Variants in TPRG1 observed in about 807,000 individuals in gnomAD.
The protein encoded by TPRG1 is tumor protein p63 regulated 1, also known as tumor protein p63-regulated gene 1 protein.
A neutral mutation model predicts 29.3 loss-of-function variants in TPRG1; 29 were observed. That is an observed-to-expected ratio of 0.99 (90% confidence interval 0.74 to 1.35). The LOEUF (loss-of-function observed/expected upper bound fraction) is 1.35. Ranked by LOEUF, TPRG1 falls within the 40% of genes most tolerant of loss-of-function variation. The probability of loss-of-function intolerance (pLI) is 0.00; values close to 1 mark genes in which losing one functional copy is unlikely to be tolerated. For missense variants in TPRG1, 327 were observed against 335.0 expected, an observed-to-expected ratio of 0.98 and a Z score of 0.19; for synonymous variants, 130 against 116.8, an observed-to-expected ratio of 1.11 and a Z score of -0.73.
At chr3:189,032,986 T>C (rs982090793) in intron 4 of TPRG1, among the ~76,000 whole-genome samples, 1 of 152,106 alleles carries the variant, frequency 6.6e-6, no homozygotes, top group African/African-American at 2.4e-5. Flanking sequence ...TTTTCTTATC[T>C]GTAGTCCAAA....
rs553933469 is a variant in TPRG1 at position 189,160,123 on chromosome 3, G to T, written c.-10+9251G>T. Among the ~76,000 whole-genome samples, 3 of 152,284 alleles carry T rather than the reference G, an allele frequency of 2.0e-5. No individual in the cohort carries two copies. In the East Asian group the frequency reaches 5.8e-4, roughly 29 times the overall value. ...TTAGCCTGAGCTGAGATGGGCTGCA[G>T]CCCTCCCGGAAGCTTAAGTATGTCA... is the stretch of plus-strand genomic sequence containing the variant. On this transcript the variant is annotated intron_variant, in intron 5 of 6. Transcript: ENST00000412373.
At chr3:189,304,023 C>CT (rs1273929459) in intron 4 of TPRG1, among the ~76,000 whole-genome samples, 3 of 151,692 alleles carry the variant, frequency 2.0e-5, no homozygotes, top group African/African-American at 4.8e-5. Context: ...GTTAAGATCA[C>CT]TTTTTTTCAC....
At position 189,092,143 on chromosome 3, in the gene TPRG1, T is replaced by G. The variant is rs549535483; in HGVS notation, c.-462-34914T>G. Among the ~76,000 whole-genome samples the G allele has an allele frequency of 2.1e-4, 32 of 152,316 alleles. No individual in the cohort carries two copies. In the South Asian group the frequency reaches 6.2e-3, roughly 30 times the overall value. On this transcript the variant is annotated intron_variant, in intron 4 of 10. Transcript: ENST00000433971. Reference sequence around the variant, plus strand: ...AGTTCAGAGATATCTATTTCTACTTTGCAGTTTATCAGTGATTTTTTCAAT... The same window carrying G: ...AGTTCAGAGATATCTATTTCTACTTGGCAGTTTATCAGTGATTTTTTCAAT...
chr3:189,221,118 C>T (rs191980602), intron 3 of TPRG1, among the ~76,000 whole-genome samples: 2 of 152,230 alleles, frequency 1.3e-5, no homozygotes, highest in Non-Finnish European at 2.9e-5. Context: ...CAGAGTAAGA[C>T]TTTATGATTG....
rs549506582 is a variant in TPRG1, at chr3:189,228,393, A to T, written c.303-10340A>T. ...TTAATAGCAAATATAACACAGTATT[A>T]AAAAAAATTGGTGTAAAAAGAATTA... On this transcript the variant is annotated intron_variant, in intron 3 of 5. Transcript: ENST00000345063. Among the ~76,000 whole-genome samples the T allele has an allele frequency of 4.0e-4, 60 of 151,310 alleles. No individual in the cohort carries two copies. In the South Asian group the frequency reaches 0.012, roughly 30 times the overall value.
chr3:189,053,086 A>G (rs749862499), intron 4 of TPRG1, among the ~76,000 whole-genome samples: 20 of 152,206 alleles, frequency 1.3e-4, no homozygotes, highest in Non-Finnish European at 2.2e-4. Context: ...TTACAGAAAA[A>G]AAAGAAAATC....
intron 1 of TPRG1, among the ~76,000 whole-genome samples, chr3:189,202,625 T>C (rs924742583): frequency 2.4e-4 from 36 of 152,240 alleles, no homozygotes; most frequent in African/African-American, 8.2e-4. Flanking sequence ...CTAAAAGCTG[T>C]TTTTTTCCTT....
At chr3:189,183,030 C>T (rs1205059236) in intron 1 of TPRG1, among the ~76,000 whole-genome samples, 1 of 152,180 alleles carries the variant, frequency 6.6e-6, no homozygotes, top group Admixed American at 6.6e-5. Context: ...ACTACTACTA[C>T]TAGTGGAAAA....
intron 3 of TPRG1, among the ~76,000 whole-genome samples, chr3:189,137,080 T>C (rs180789558): frequency 8.0e-4 from 122 of 152,318 alleles, no homozygotes; most frequent in Admixed American, 5.4e-3. Flanking sequence ...CCCAGCAAGG[T>C]GGTAGAGCTA....
rs545942141 is a variant in TPRG1, at chr3:189,177,281, A to G, written c.-10+5150A>G. 6.6e-4 allele frequency among the ~76,000 whole-genome samples: 101 copies of G among 152,236 alleles called. 1 individual carries two copies. Among genetic ancestry groups the G allele is most frequent in the African/African-American group, 2.4e-3 (100 of 41,542 alleles). On this transcript the variant is annotated intron_variant, in intron 1 of 5. Coordinates refer to ENST00000345063, the MANE Select transcript of TPRG1 (RefSeq NM_198485.4). Reference sequence around the variant, plus strand: ...GATGAATAAGTTTTGAAGGAGTATTAGGAGCTTACTTATGGACAGGTTAAG... The same window carrying G: ...GATGAATAAGTTTTGAAGGAGTATTGGGAGCTTACTTATGGACAGGTTAAG...
intron 5 of TPRG1, among the ~76,000 whole-genome samples, chr3:189,163,228 G>A (rs990688855): frequency 6.6e-6 from 1 of 152,112 alleles, no homozygotes; most frequent in East Asian, 1.9e-4. Flanking sequence ...AGCCAAGATG[G>A]CACCATTGCA....
At chr3:189,312,897 A>G (rs1722933606) in intron 5 of TPRG1, among the ~76,000 whole-genome samples, 1 of 152,188 alleles carries the variant, frequency 6.6e-6, no homozygotes, top group Non-Finnish European at 1.5e-5. Flanking sequence ...GATGGAAGTA[A>G]GAATAACAGG....
At chr3:189,207,699 A>T (rs185135409) in intron 2 of TPRG1, 105 bp downstream of exon 2, 8 of 1,065,326 alleles carry the variant, frequency 7.5e-6, no homozygotes, top group Admixed American at 2.0e-5. Context: ...CATTTGTCTC[A>T]TGTAATCGTC....
At chr3:189,272,974 A>G (rs931506032) in intron 4 of TPRG1, among the ~76,000 whole-genome samples, 2 of 152,128 alleles carry the variant, frequency 1.3e-5, no homozygotes, top group African/African-American at 2.4e-5. Context: ...CAAAGCAGGC[A>G]TTTTCTCTCC....
At chr3:189,017,717 T>G (rs1473652976) in intron 3 of TPRG1, among the ~76,000 whole-genome samples, 2 of 152,218 alleles carry the variant, frequency 1.3e-5, no homozygotes. Flanking sequence ...TATAGCAGCA[T>G]GATTTATAGT....
upstream of TPRG1, among the ~76,000 whole-genome samples, chr3:189,099,210 G>A (rs1417205772): frequency 4.6e-5 from 7 of 152,190 alleles, no homozygotes; most frequent in African/African-American, 7.2e-5. Flanking sequence ...TTTGGCAGGC[G>A]TTGCCAGGCC....
intron 4 of TPRG1, among the ~76,000 whole-genome samples, chr3:189,046,775 A>G (rs983234930): frequency 3.1e-4 from 47 of 149,384 alleles, no homozygotes; most frequent in African/African-American, 1.1e-3. Context: ...TACTTTTCCT[A>G]TAGTGGAAGT....
At chr3:189,056,641 G>A (rs987927411) in intron 4 of TPRG1, among the ~76,000 whole-genome samples, 2 of 152,116 alleles carry the variant, frequency 1.3e-5, no homozygotes, top group African/African-American at 4.8e-5. Context: ...TTGAGGTCAA[G>A]AATCATGTTA....
chr3:189,251,592 C>T (rs112664770), intron 4 of TPRG1, among the ~76,000 whole-genome samples: 31,756 of 151,760 alleles, frequency 0.21, 4,411 homozygotes, highest in African/African-American at 0.4. Flanking sequence ...GGCAGGATCA[C>T]AGGATAATAG....
Sources: gnomAD v4.1 joint callset for allele counts (sites outside exome capture counted in the v4.1 genomes callset) on GRCh38, gnomAD v4.1.1 for gene constraint, MANE v1.5 for transcripts, NCBI Gene and HGNC (gene_info 2026-07-23, HGNC 2026-07-21) for gene names.